TCF3: variants seen among roughly 807,000 people sequenced by gnomAD.
The protein encoded by TCF3 is transcription factor E2-alpha.
In TCF3, 54 loss-of-function variants were observed where a neutral mutation model predicts 72.3. The ratio of observed to expected loss-of-function variants is 0.75; its 90% CI spans 0.60 to 0.94. The LOEUF (loss-of-function observed/expected upper bound fraction) is 0.94. Ranked by LOEUF, TCF3 falls within the 40% of genes least tolerant of loss-of-function variation. TCF3 has a pLI of 0.00. For synonymous variants in TCF3, 525 were observed against 412.6 expected (o/e 1.27, Z -3.30); for missense variants, 1,078 against 934.4 (o/e 1.15, Z -2.00).
At position 1,614,714 on chromosome 19, in the gene TCF3, T is replaced by A. The variant is rs74903343; in HGVS notation, c.1822+571A>T. On this transcript the variant is annotated intron_variant, in intron 18 of 18. Transcript: ENST00000262965. This position sits in a 1 kb window ranked among gnomAD's most constrained non-coding sequence, Gnocchi z 5.6. ...CGGGGGGAAGGAGTCAGCTCACATC[T>A]GCGGGTGGGGACAGGGTCTGTCTGT... Among the ~76,000 whole-genome samples the A allele has an allele frequency of 6.0e-3, 913 of 151,998 alleles. 13 individuals are homozygous for A. Among genetic ancestry groups the A allele is most frequent in the African/African-American group, 0.021 (862 of 41,432 alleles).
chr19:1,644,734 C>T (rs2065826289), intron 3 of TCF3, among the ~76,000 whole-genome samples: 1 of 152,146 alleles, frequency 6.6e-6, no homozygotes, highest in South Asian at 2.1e-4. Context: ...ACCCAGGGAC[C>T]AATCTCACAG....
intron 3 of TCF3, among the ~76,000 whole-genome samples, chr19:1,638,690 T>A (rs756021718): frequency 3.9e-5 from 6 of 152,234 alleles, no homozygotes; most frequent in Non-Finnish European, 7.3e-5. Flanking sequence ...AAACGTGTTC[T>A]TCACAACGCA....
At chr19:1,637,924 AG>A in intron 3 of TCF3, among the ~76,000 whole-genome samples, 1 of 152,264 alleles carries the variant, frequency 6.6e-6, no homozygotes, top group South Asian at 2.1e-4. Flanking sequence ...AAAAAGAAAA[AG>A]AAAAAGAGAC....
chr19:1,611,846 C>T lies in TCF3; in HGVS notation c.1826G>A (p.Arg609Gln), dbSNP rs1301102408. 2 of 1,607,438 alleles carry T rather than the reference C, an allele frequency of 1.2e-6. No individual in the cohort carries two copies. Among genetic ancestry groups the T allele is most frequent in the Non-Finnish European group, 1.7e-6 (2 of 1,178,882 alleles). Residue 609 changes from arginine to glutamine, a missense_variant, in exon 19 of 19, where the codon CGG becomes CAG. Coordinates refer to ENST00000262965, the MANE Select transcript of TCF3 (RefSeq NM_003200.5). ...ILNLEQQVRERNLNPKAACLK... is the reference protein window; with the variant it reads ...ILNLEQQVREQNLNPKAACLK... ...ACAGGCTGCTTTGGGATTCAGGTTCCGCTCTGGAGGGAGGGGGGAGAGCTC... is the reference window on the plus strand; with the variant it reads ...ACAGGCTGCTTTGGGATTCAGGTTCTGCTCTGGAGGGAGGGGGGAGAGCTC...
At position 1,650,172 on chromosome 19, in the gene TCF3, C is replaced by A. The variant is rs1040094711; in HGVS notation, c.72+5G>T. On this transcript the variant is annotated splice_donor_5th_base_variant and intron_variant, in intron 2 of 18. Coordinates refer to ENST00000262965, the MANE Select transcript of TCF3 (RefSeq NM_003200.5). ...GTCGGGGGCTGGGCGGGGGTCCTGGCTCACCATGCTGAAGTCCAGGAGGTC... is the reference window on the plus strand; with the variant it reads ...GTCGGGGGCTGGGCGGGGGTCCTGGATCACCATGCTGAAGTCCAGGAGGTC... The A allele has an allele frequency of 3.8e-6, 6 of 1,565,894 alleles. No homozygotes were observed. Among genetic ancestry groups the A allele is most frequent in the Admixed American group, 1.9e-5 (1 of 51,704 alleles).
chr19:1,617,071 A>G (rs988575674), intron 16 of TCF3, among the ~76,000 whole-genome samples: 3 of 152,234 alleles, frequency 2.0e-5, no homozygotes, highest in African/African-American at 7.2e-5. Context: ...AGGAAATGCA[A>G]ATTAGGGTGG....
intron 3 of TCF3, among the ~76,000 whole-genome samples, chr19:1,645,721 G>C (rs920103720): frequency 6.6e-6 from 1 of 152,226 alleles, no homozygotes; most frequent in East Asian, 1.9e-4. Flanking sequence ...AGGACCCCAC[G>C]TCTCCCCTAT....
intron 3 of TCF3, among the ~76,000 whole-genome samples, chr19:1,638,670 C>T (rs892478280): frequency 1.3e-5 from 2 of 152,206 alleles, no homozygotes; most frequent in Admixed American, 6.5e-5. Context: ...GCGCGAGAAA[C>T]GGCGTGTTTA....
intron 3 of TCF3, among the ~76,000 whole-genome samples, chr19:1,638,806 C>G (rs534514940): frequency 1.1e-4 from 17 of 152,176 alleles, no homozygotes; most frequent in Non-Finnish European, 2.1e-4. Flanking sequence ...AAACACACAC[C>G]GGGGGAAGCA....
Position 1,609,524 on chromosome 19 carries a change from GC to G in TCF3, c.*2182del, listed in dbSNP as rs200468115. The G allele has an allele frequency of 2.3e-3, 505 of 217,820 alleles. 2 individuals are homozygous for G. The highest frequency in any genetic ancestry group is 0.018 in the East Asian group (268 of 14,890). The allele number at this position is 217,820 out of a possible 1,614,324, so 13.5% of individuals were successfully genotyped here. ...CAGGAACTGCTGTTTCTTCCTCCTC[GC>G]GCTGGGTGAATCTCGTTTGAATTCT... is the stretch of plus-strand genomic sequence containing the variant. On this transcript the variant is annotated 3_prime_UTR_variant, in exon 19 of 19. Transcript: ENST00000262965.
Position 1,622,134 on chromosome 19 carries a change from G to T in TCF3, c.742C>A (p.Pro248Thr). ...PMLGGGSSPL[P>T]LPPGSGPVGS... ...ACCGGGCCGCTACCGGGCGGGAGGGGCAGCGGGGATGAGCCCCCACCCAGC... is the reference window on the plus strand; with the variant it reads ...ACCGGGCCGCTACCGGGCGGGAGGGTCAGCGGGGATGAGCCCCCACCCAGC... Residue 248 changes from proline (P) to threonine (T), a missense_variant, in exon 10 of 19, where the codon CCC becomes ACC. Coordinates refer to ENST00000262965, the MANE Select transcript of TCF3 (RefSeq NM_003200.5). 2 of 1,592,092 alleles carry T rather than the reference G, an allele frequency of 1.3e-6. No individual in the cohort carries two copies. Among genetic ancestry groups the T allele is most frequent in the Admixed American group, 1.7e-5 (1 of 57,276 alleles).
At chr19:1,639,751 G>GAA (rs10674333) in intron 3 of TCF3, among the ~76,000 whole-genome samples, 4,274 of 53,892 alleles carry the variant, frequency 0.079, 165 homozygotes, top group Non-Finnish European at 0.11. Context: ...AGGAAATTAG[G>GAA]AAAAAAAAAA....
intron 1 of TCF3, among the ~76,000 whole-genome samples, chr19:1,651,805 C>G (rs369813324): frequency 2.6e-5 from 4 of 151,538 alleles, no homozygotes; most frequent in African/African-American, 7.3e-5. Context: ...GCGCGCCCCC[C>G]CCCGGCCCGC....
Position 1,650,984 on chromosome 19 carries a change from G to A in TCF3, c.-39-697C>T, listed in dbSNP as rs78830555. Reference sequence around the variant, plus strand: ...AGGAAAGAAAAAAAAAACAGCCCTAGATTGCTTTACTGTCGCGATGTATCC... The same window carrying A: ...AGGAAAGAAAAAAAAAACAGCCCTAAATTGCTTTACTGTCGCGATGTATCC... On this transcript the variant is annotated intron_variant, in intron 1 of 18. Coordinates refer to ENST00000262965, the MANE Select transcript of TCF3 (RefSeq NM_003200.5). 2.0e-4 allele frequency: 46 copies of A among 231,158 alleles called. No homozygotes were observed. The East Asian group carries it at 2.8e-3, about 14-fold the overall frequency. The allele number at this position is 231,158 out of a possible 1,614,324, so 14.3% of individuals were successfully genotyped here. A position where few individuals can be genotyped will look rare whatever the true frequency, so the allele number is the denominator to read the frequency against.
chr19:1,651,687 G>C (rs1359917918), intron 1 of TCF3, among the ~76,000 whole-genome samples: 3 of 151,894 alleles, frequency 2.0e-5, no homozygotes, highest in African/African-American at 4.8e-5. Flanking sequence ...CCGGGAAGCC[G>C]GACCCCCCTC....
Position 1,615,183 on chromosome 19 carries a change from G to A in TCF3, c.1822+102C>T. 1 of 1,391,520 alleles carries A rather than the reference G, an allele frequency of 7.2e-7. No homozygotes were observed. Among genetic ancestry groups the A allele is most frequent in the South Asian group, 1.4e-5 (1 of 70,626 alleles). 86.2% of individuals were successfully genotyped at this position (1,391,520 alleles called of 1,614,324 possible). A position where few individuals can be genotyped will look rare whatever the true frequency, so the allele number is the denominator to read the frequency against. The stretch of plus-strand genomic sequence containing the variant: ...CTGCAAGGAGGCAACTGCTGCAGAG[G>A]GAGGGCTGGCTCCAGGAAGGCGGGC... On this transcript the variant is annotated intron_variant, in intron 18 of 18. Transcript: ENST00000262965. The surrounding 1 kb of genome is among the most constrained non-coding windows in gnomAD (Gnocchi z 7.3).
At chr19:1,616,869 T>C (rs1442949329) in intron 16 of TCF3, among the ~76,000 whole-genome samples, 1 of 152,080 alleles carries the variant, frequency 6.6e-6, no homozygotes, top group Non-Finnish European at 1.5e-5. Context: ...AGAAAAGCAT[T>C]TGCCAAAGAA....
chr19:1,623,989 T>C lies in TCF3; in HGVS notation c.511A>G (p.Lys171Glu). Reference protein sequence around the residue: ...AADGSLDTQPKKVRKVPPGLP... With the variant: ...AADGSLDTQPEKVRKVPPGLP... ...CCCGGCGGGACCTTCCGGACCTTCTTGGGCTGCGTGTCTGTTAGAAGCAAA... is the reference window on the plus strand; with the variant it reads ...CCCGGCGGGACCTTCCGGACCTTCTCGGGCTGCGTGTCTGTTAGAAGCAAA... Residue 171 changes from lysine (K) to glutamate (E), a missense_variant, in exon 8 of 19, where the codon AAG (lysine) becomes GAG (glutamate). By Grantham distance (56) the Lys-to-Glu change is moderately conservative. Transcript: ENST00000262965. The C allele has an allele frequency of 1.9e-6, 3 of 1,613,270 alleles. No homozygotes were observed. Among genetic ancestry groups the C allele is most frequent in the Non-Finnish European group, 2.5e-6 (3 of 1,179,896 alleles).
intron 1 of TCF3, among the ~76,000 whole-genome samples, chr19:1,651,893 C>T (rs1430825647): frequency 1.3e-5 from 2 of 151,338 alleles, no homozygotes; most frequent in African/African-American, 4.8e-5. Flanking sequence ...GCGCTCCCCA[C>T]CCCAAACTCC....
Sources: gnomAD v4.1 joint callset for allele counts (sites outside exome capture counted in the v4.1 genomes callset) on GRCh38, gnomAD v4.1.1 for gene constraint, Gnocchi (gnomAD v3.1) non-coding constraint, MANE v1.5 for transcripts, NCBI Gene and HGNC (gene_info 2026-07-23, HGNC 2026-07-21) for gene names.